The following SARDH variants were observed in gnomAD, a reference collection of about 807,000 sequenced individuals.
SARDH encodes sarcosine dehydrogenase.
SARDH carries 95 observed loss-of-function variants against 109.1 expected under a neutral mutation model. The ratio of observed to expected loss-of-function variants is 0.87; its 90% CI spans 0.74 to 1.03. SARDH has a LOEUF of 1.03. SARDH is among the 50% of genes least tolerant of loss of function. The pLI is 0.00. For synonymous variants in SARDH, 572 were observed against 534.8 expected (o/e 1.07, Z -0.96); for missense variants, 1,267 against 1,287.8 (o/e 0.98, Z 0.25).
chr9:133,702,149 A>G (rs1831511575), intron 13 of SARDH, among the ~76,000 whole-genome samples: 1 of 152,168 alleles, frequency 6.6e-6, no homozygotes, highest in Non-Finnish European at 1.5e-5. Context: ...TGGCACGGGG[A>G]CAACAGCTGT....
At chr9:133,680,334 G>A (rs1447097275) in intron 17 of SARDH, among the ~76,000 whole-genome samples, 1 of 151,942 alleles carries the variant, frequency 6.6e-6, no homozygotes, top group South Asian at 2.1e-4. Flanking sequence ...CCCAGTGTCT[G>A]TGGCTGACTC....
chr9:133,681,445 T>C (rs1284683312), intron 17 of SARDH, among the ~76,000 whole-genome samples: 1 of 152,158 alleles, frequency 6.6e-6, no homozygotes, highest in East Asian at 1.9e-4. Context: ...TGGCCTGGGG[T>C]CACCCCTCAC....
intron 6 of SARDH, among the ~76,000 whole-genome samples, chr9:133,721,120 A>C (rs979006306): frequency 1.3e-5 from 2 of 152,202 alleles, no homozygotes; most frequent in African/African-American, 4.8e-5. Context: ...TGTCCAAGCA[A>C]CAGCCCAAGA....
In SARDH at chr9:133,686,991, G is replaced by A. The variant is rs1830908577; in HGVS notation, c.2070-1705C>T. Among the ~76,000 whole-genome samples the A allele has an allele frequency of 6.6e-6, 1 of 152,170 alleles. No homozygotes were observed. Among genetic ancestry groups the A allele is most frequent in the Admixed American group, 6.5e-5 (1 of 15,284 alleles). On this transcript the variant is annotated intron_variant, in intron 16 of 20. Transcript: ENST00000439388. This position sits in a 1 kb window ranked among gnomAD's most constrained non-coding sequence, Gnocchi z 4.0. ...TGCCACCTGGTCCAAGGCTTTGAAG[G>A]GCTCTGACCCAGGCTATGGGCTCAG... is the stretch of plus-strand genomic sequence containing the variant.
downstream of SARDH, among the ~76,000 whole-genome samples, chr9:133,663,096 A>C (rs184094807): frequency 1.5e-4 from 23 of 152,278 alleles, no homozygotes; most frequent in African/African-American, 5.3e-4. Flanking sequence ...AGCAAAGACA[A>C]AGGTCACCTA....
intron 12 of SARDH, 177 bp from the exon 13 acceptor site, chr9:133,703,206 C>T (rs1021156443): frequency 1.6e-5 from 10 of 610,486 alleles, no homozygotes; most frequent in Non-Finnish European, 2.3e-5. Flanking sequence ...GAGGTCCAGG[C>T]AAAACAGAGG....
chr9:133,678,844 T>A (rs1830603081), intron 17 of SARDH, among the ~76,000 whole-genome samples: 1 of 152,238 alleles, frequency 6.6e-6, no homozygotes, highest in Non-Finnish European at 1.5e-5. Flanking sequence ...GGTGTGCTTT[T>A]CTCTTGTGAA....
intron 10 of SARDH, among the ~76,000 whole-genome samples, chr9:133,711,919 T>C (rs974933361): frequency 9.2e-5 from 14 of 151,990 alleles, no homozygotes; most frequent in Non-Finnish European, 1.9e-4. Flanking sequence ...AGGAGGAGCC[T>C]CCCCCCTTGC....
chr9:133,682,085 G>C (rs925969402), intron 17 of SARDH, among the ~76,000 whole-genome samples: 1 of 152,176 alleles, frequency 6.6e-6, no homozygotes, highest in Non-Finnish European at 1.5e-5. Flanking sequence ...CCTCCGACCT[G>C]GTGGGCCCAG....
chr9:133,736,686 G>A (rs1182702551), intron 1 of SARDH, among the ~76,000 whole-genome samples: 1 of 152,222 alleles, frequency 6.6e-6, no homozygotes, highest in Non-Finnish European at 1.5e-5. Flanking sequence ...ATGAGCCACT[G>A]TGCCCAGCCT....
At position 133,719,027 on chromosome 9, in the gene SARDH, G is replaced by C. The variant is rs776932836; in HGVS notation, c.931C>G (p.Arg311Gly). The C allele has an allele frequency of 1.9e-6, 3 of 1,613,976 alleles. No homozygotes were observed. The highest frequency in any genetic ancestry group is 2.5e-6 in the Non-Finnish European group (3 of 1,179,976). The change falls in exon 7 of 21, where the codon CGT (arginine) becomes GGT (glycine). Residue 311 changes from arginine (R) to glycine (G), a missense_variant. Coordinates refer to ENST00000439388, the MANE Select transcript of SARDH (RefSeq NM_001134707.2). ...AGGTAGACAGAGGCATCATGATCAC[G>C]GACATTGGGCATGTTCTGGAAGGCA... ...IEGIQNMPNV[R>G]DHDASVYLRL... is the part of the protein sequence containing the mutation.
intron 3 of SARDH, among the ~76,000 whole-genome samples, 190 bp downstream of exon 3, chr9:133,732,233 T>A (rs969302080): frequency 6.6e-6 from 1 of 151,068 alleles, no homozygotes; most frequent in African/African-American, 2.4e-5. Flanking sequence ...AGCAGACTCA[T>A]CCACACGAGC....
intron 16 of SARDH, among the ~76,000 whole-genome samples, chr9:133,688,003 G>C (rs977386337): frequency 1.3e-5 from 2 of 152,010 alleles, no homozygotes; most frequent in Non-Finnish European, 2.9e-5. Context: ...GGCCGCCCCC[G>C]GGCCGCACCT....
At chr9:133,738,757 G>A (rs1832967811), upstream of SARDH, among the ~76,000 whole-genome samples, 2 of 152,214 alleles carry the variant, frequency 1.3e-5, no homozygotes, top group Admixed American at 6.5e-5. Context: ...CTCCTTTGGT[G>A]AGGTCATCTC....
intron 17 of SARDH, among the ~76,000 whole-genome samples, chr9:133,684,188 A>G (rs1830802841): frequency 6.6e-6 from 1 of 152,180 alleles, no homozygotes; most frequent in African/African-American, 2.4e-5. Flanking sequence ...CCATGTCTGA[A>G]CACACTTGTG....
At chr9:133,723,910 G>A (rs1832406087) in intron 6 of SARDH, among the ~76,000 whole-genome samples, 1 of 152,150 alleles carries the variant, frequency 6.6e-6, no homozygotes, top group African/African-American at 2.4e-5. Flanking sequence ...AATGCAGTTG[G>A]ACCCCTACCT....
chr9:133,713,350 G>A (rs1832001533), intron 8 of SARDH, among the ~76,000 whole-genome samples: 1 of 152,128 alleles, frequency 6.6e-6, no homozygotes, highest in Non-Finnish European at 1.5e-5. Flanking sequence ...ACCAGCTGAC[G>A]GCGACCTGGC....
intron 18 of SARDH, 36 bp downstream of exon 18, chr9:133,671,499 C>A (rs772189102): frequency 6.6e-7 from 1 of 1,524,058 alleles, no homozygotes; most frequent in South Asian, 1.2e-5. Flanking sequence ...CCACTGCGCC[C>A]GCCCCCGCCC....
chr9:133,714,245 C>T (rs1343306521), intron 8 of SARDH, among the ~76,000 whole-genome samples: 5 of 152,190 alleles, frequency 3.3e-5, no homozygotes, highest in African/African-American at 4.8e-5. Context: ...GGCCCCCACG[C>T]TAGGAGCTGA....
Sources: gnomAD v4.1 joint callset for allele counts (sites outside exome capture counted in the v4.1 genomes callset) on GRCh38, gnomAD v4.1.1 for gene constraint, Gnocchi (gnomAD v3.1) non-coding constraint, MANE v1.5 for transcripts, NCBI Gene and HGNC (gene_info 2026-07-23, HGNC 2026-07-21) for gene names.